The following ADARB1 variants were observed in gnomAD, a reference collection of about 807,000 sequenced individuals.
ADARB1 encodes double-stranded RNA-specific editase 1.
ADARB1 carries 10 observed loss-of-function variants against 52.4 expected under a neutral mutation model. That is an observed-to-expected ratio of 0.19 (90% CI 0.12 to 0.32). The LOEUF is 0.32. Ranked by LOEUF, ADARB1 falls within the 10% of genes least tolerant of loss-of-function variation. The probability of loss-of-function intolerance (pLI) is 1.00; values close to 1 mark genes in which losing one functional copy is unlikely to be tolerated. For missense variants in ADARB1, 643 were observed against 922.3 expected (o/e 0.70, Z 3.92); for synonymous variants, 349 against 371.1 (o/e 0.94, Z 0.68).
intron 2 of ADARB1, among the ~76,000 whole-genome samples, chr21:45,168,768 T>C (rs935370311): frequency 3.9e-5 from 6 of 152,218 alleles, no homozygotes; most frequent in Non-Finnish European, 8.8e-5. Context: ...GTGGTTACAT[T>C]AAAGTCTTTC....
intron 2 of ADARB1, among the ~76,000 whole-genome samples, chr21:45,141,054 C>T (rs1022043155): frequency 1.3e-5 from 2 of 152,140 alleles, no homozygotes; most frequent in East Asian, 1.9e-4. Context: ...ATAAATTAGC[C>T]AGGCATGGTG....
intron 1 of ADARB1, among the ~76,000 whole-genome samples, chr21:45,121,124 C>T (rs1376152127): frequency 6.6e-6 from 1 of 152,152 alleles, no homozygotes; most frequent in Admixed American, 6.5e-5. Flanking sequence ...ATACTGGGCT[C>T]GTAAAACGAG....
intron 2 of ADARB1, among the ~76,000 whole-genome samples, chr21:45,130,344 T>C (rs1277150094): frequency 6.6e-6 from 1 of 152,112 alleles, no homozygotes; most frequent in South Asian, 2.1e-4. Flanking sequence ...CTTAAAAGCA[T>C]AGAAAAAATA....
chr21:45,104,889 C>G (rs1176469725), intron 1 of ADARB1, among the ~76,000 whole-genome samples: 2 of 152,216 alleles, frequency 1.3e-5, no homozygotes, highest in African/African-American at 4.8e-5. Context: ...TATAAAGTCT[C>G]TGTGCTTCCC....
intron 1 of ADARB1, among the ~76,000 whole-genome samples, chr21:45,116,419 G>C (rs2087829432): frequency 6.6e-6 from 1 of 152,044 alleles, no homozygotes; most frequent in Non-Finnish European, 1.5e-5. Context: ...ATTACAGACT[G>C]TGCAGACTTT....
At chr21:45,178,671 C>T (rs1444685491) in intron 4 of ADARB1, among the ~76,000 whole-genome samples, 2 of 152,160 alleles carry the variant, frequency 1.3e-5, no homozygotes, top group Non-Finnish European at 2.9e-5. Context: ...CCTTGAAGGA[C>T]GTAGGTCAGT....
At chr21:45,195,036 A>C (rs927358377) in intron 8 of ADARB1, among the ~76,000 whole-genome samples, 2 of 152,224 alleles carry the variant, frequency 1.3e-5, no homozygotes, top group Admixed American at 1.3e-4. Context: ...ATTCCCACCA[A>C]CAATGAATGT....
chr21:45,132,730 A>T (rs532805766), intron 2 of ADARB1, among the ~76,000 whole-genome samples: 1 of 152,230 alleles, frequency 6.6e-6, no homozygotes, highest in African/African-American at 2.4e-5. Context: ...TTCTTACTGA[A>T]CCTATGCAGT....
At position 45,217,789 on chromosome 21, in the gene ADARB1, T is replaced by C. The variant is rs185058099; in HGVS notation, c.1748-3047T>C. On this transcript the variant is annotated intron_variant, in intron 9 of 10. Coordinates refer to ENST00000348831, the MANE Select transcript of ADARB1 (RefSeq NM_001112.4). Reference sequence around the variant, plus strand: ...TTCAGCTTTGGTATGTCTGGGAAAGTATTTTGCTTTCATTTTGAAGTATAT... The same window carrying C: ...TTCAGCTTTGGTATGTCTGGGAAAGCATTTTGCTTTCATTTTGAAGTATAT... Among the ~76,000 whole-genome samples the C allele has an allele frequency of 3.1e-3, 472 of 152,310 alleles. 7 individuals carry two copies. Among genetic ancestry groups the C allele is most frequent in the Non-Finnish European group, 2.5e-3 (169 of 68,030 alleles).
intron 2 of ADARB1, among the ~76,000 whole-genome samples, chr21:45,156,400 C>T (rs2090635591): frequency 6.6e-6 from 1 of 151,188 alleles, no homozygotes; most frequent in African/African-American, 2.4e-5. Flanking sequence ...TCCATCCATC[C>T]ATCCACCCAC....
intron 9 of ADARB1, among the ~76,000 whole-genome samples, chr21:45,207,594 A>G (rs1405891585): frequency 6.6e-6 from 1 of 152,250 alleles, no homozygotes; most frequent in Non-Finnish European, 1.5e-5. Flanking sequence ...AAACTTCATT[A>G]AAAGAAAAGT....
chr21:45,166,429 T>C (rs1279558238), intron 2 of ADARB1, among the ~76,000 whole-genome samples: 3 of 152,216 alleles, frequency 2.0e-5, no homozygotes, highest in Non-Finnish European at 2.9e-5. Flanking sequence ...CTGGTCCTGT[T>C]TATTAAAAAT....
intron 1 of ADARB1, among the ~76,000 whole-genome samples, chr21:45,104,708 C>T (rs1045664093): frequency 3.9e-5 from 6 of 152,198 alleles, no homozygotes; most frequent in Admixed American, 2.0e-4. Flanking sequence ...CAGTGGCAAG[C>T]GTGCCCTCTG....
chr21:45,153,484 C>G (rs1044011121), intron 2 of ADARB1, among the ~76,000 whole-genome samples: 8 of 152,168 alleles, frequency 5.3e-5, no homozygotes, highest in African/African-American at 1.9e-4. Context: ...TTAGTGTCCC[C>G]CACCCGACAG....
chr21:45,208,647 TGTGA>T lies in ADARB1; in HGVS notation c.1747+3915_1747+3918del, dbSNP rs751377285. 4.6e-5 allele frequency among the ~76,000 whole-genome samples: 7 copies of T among 151,852 alleles called. No homozygotes were observed. In the East Asian group the frequency reaches 9.7e-4, roughly 21 times the overall value. On this transcript the variant is annotated intron_variant, in intron 9 of 10. Coordinates refer to ENST00000348831, the MANE Select transcript of ADARB1 (RefSeq NM_001112.4). The surrounding 1 kb of genome is among the most constrained non-coding windows in gnomAD (Gnocchi z 5.6). ...GTGCGTGTGTGTGTGTGTGAGTGCA[TGTGA>T]GTGTGTGCATGAGTGCGTGTGTGTA...
At chr21:45,139,933 CTTT>C (rs200847132) in intron 2 of ADARB1, among the ~76,000 whole-genome samples, 1,334 of 84,370 alleles carry the variant, frequency 0.016, 8 homozygotes, top group African/African-American at 0.039. Flanking sequence ...CAATAAAACT[CTTT>C]TTTTTTTTTT....
Position 45,225,424 on chromosome 21 carries a change from G to A in ADARB1, c.*3227G>A, listed in dbSNP as rs148459917. ...CAATTATTTTAAAATGTGCAAGCCA[G>A]TATCTCACAAGGCATGGATTTCTGT... On this transcript the variant is annotated 3_prime_UTR_variant, in exon 11 of 11. Coordinates refer to ENST00000348831, the MANE Select transcript of ADARB1 (RefSeq NM_001112.4). The A allele has an allele frequency of 4.5e-5, 58 of 1,300,496 alleles. No homozygotes were observed. The African/African-American group carries it at 6.6e-4, about 15-fold the overall frequency. 80.6% of individuals were successfully genotyped at this position (1,300,496 alleles called of 1,614,324 possible).
chr21:45,150,981 A>C (rs427943), intron 2 of ADARB1, among the ~76,000 whole-genome samples: 85,394 of 152,026 alleles, frequency 0.56, 24,161 homozygotes, highest in African/African-American at 0.6. Context: ...TCAGGAGGGC[A>C]GTCCTCTGTC....
Position 45,220,857 on chromosome 21 carries a change from G to T in ADARB1, c.1769G>T (p.Arg590Leu). The T allele has an allele frequency of 6.2e-7, 1 of 1,613,256 alleles. No homozygotes were observed. Among genetic ancestry groups the T allele is most frequent in the Non-Finnish European group, 8.5e-7 (1 of 1,179,842 alleles). The change falls in exon 10 of 11, where the codon CGG becomes CTG. Residue 590 changes from arginine (R) to leucine (L), a missense_variant. By Grantham distance (102) the Arg-to-Leu change is moderately radical. Coordinates refer to ENST00000348831, the MANE Select transcript of ADARB1 (RefSeq NM_001112.4). The surrounding 1 kb of genome is among the most constrained non-coding windows in gnomAD (Gnocchi z 6.3). ...TCAGGCATCAGCAATGCAGAAGCAC[G>T]GCAGCCAGGGAAGGCCCCCAACTTC... Reference protein sequence around the residue: ...LLSGISNAEARQPGKAPNFSV... With the variant: ...LLSGISNAEALQPGKAPNFSV...
Sources: allele counts gnomAD v4.1 joint callset (sites outside exome capture counted in the v4.1 genomes callset), GRCh38; gene constraint gnomAD v4.1.1; non-coding constraint Gnocchi (gnomAD v3.1); transcripts MANE v1.5; gene names NCBI Gene and HGNC (gene_info 2026-07-23, HGNC 2026-07-21).